The following CEP95 variants were observed in gnomAD, a reference collection of about 807,000 sequenced individuals.
CEP95 encodes the protein centrosomal protein of 95 kDa.
In CEP95, 98 loss-of-function variants were observed where a neutral mutation model predicts 111.2. The ratio of observed to expected loss-of-function variants is 0.88; its 90% CI spans 0.75 to 1.04. The LOEUF is 1.04. Ranked by LOEUF, CEP95 falls within the 50% of genes least tolerant of loss-of-function variation. The pLI is 0.00. For missense variants in CEP95, 1,027 were observed against 977.2 expected (o/e 1.05, Z -0.68); for synonymous variants, 323 against 327.1 (o/e 0.99, Z 0.14).
At chr17:64,513,703 A>G (rs2039001170) in intron 3 of CEP95, among the ~76,000 whole-genome samples, 1 of 152,184 alleles carries the variant, frequency 6.6e-6, no homozygotes, top group Non-Finnish European at 1.5e-5. Flanking sequence ...GAGTTAACAA[A>G]TATGGGGGGT....
intron 7 of CEP95, 40 bp downstream of exon 7, chr17:64,521,567 C>T (rs1598210851): frequency 6.3e-7 from 1 of 1,588,104 alleles, no homozygotes; most frequent in Admixed American, 1.8e-5. Flanking sequence ...TGCTGATGAT[C>T]ATTCTTGGGG....
chr17:64,527,311 C>G (rs918616851), intron 11 of CEP95, 47 bp downstream of exon 11: 1 of 1,443,684 alleles, frequency 6.9e-7, no homozygotes, highest in South Asian at 1.4e-5. Flanking sequence ...ATGTGAACTA[C>G]TTAGGCAGTT....
At chr17:64,527,893 C>T (rs73993975) in intron 11 of CEP95, among the ~76,000 whole-genome samples, 5,271 of 117,846 alleles carry the variant, frequency 0.045, 156 homozygotes, top group African/African-American at 0.12. Context: ...TATATATATA[C>T]ACACACACAC....
intron 11 of CEP95, 31 bp from the exon 12 acceptor site, chr17:64,529,257 A>G: frequency 6.3e-7 from 1 of 1,589,848 alleles, no homozygotes; most frequent in Non-Finnish European, 8.5e-7. Context: ...GCTATCAGGA[A>G]CTAATGTTAT....
At position 64,535,309 on chromosome 17, in the gene CEP95, G is replaced by A. The variant is rs147890726; in HGVS notation, c.2070+572G>A. On this transcript the variant is annotated intron_variant, in intron 17 of 19. Transcript: ENST00000556440. ...CTTGTCTGTAGCTCATGAATGCGTCGCCGTCAGAACCAGTTTTTCTATCCA... is the reference window on the plus strand; with the variant it reads ...CTTGTCTGTAGCTCATGAATGCGTCACCGTCAGAACCAGTTTTTCTATCCA... The A allele has an allele frequency of 1.1e-4, 18 of 157,502 alleles. No homozygotes were observed. In the South Asian group the frequency reaches 1.9e-3, roughly 16 times the overall value. 9.8% of individuals were successfully genotyped at this position (157,502 alleles called of 1,614,324 possible).
Position 64,537,646 on chromosome 17 carries a change from A to G in CEP95, c.2333A>G (p.Lys778Arg). ...AGGGAGCTGAGATCTAAGATGGAGA[A>G]GGAAATTCAGCAGCTGCAGGACATG... is the stretch of plus-strand genomic sequence containing the variant. ...VKRELRSKME[K>R]EIQQLQDMIT... The change falls in exon 20 of 20, where the codon AAG (lysine) becomes AGG (arginine). Residue 778 changes from lysine to arginine, a missense_variant. Transcript: ENST00000556440. 6.2e-7 allele frequency: 1 copy of G among 1,612,692 alleles called. No homozygotes were observed. Among genetic ancestry groups the G allele is most frequent in the Non-Finnish European group, 8.5e-7 (1 of 1,179,076 alleles).
intron 18 of CEP95, 141 bp downstream of exon 18, chr17:64,536,889 A>G: frequency 8.4e-7 from 1 of 1,193,896 alleles, no homozygotes. Context: ...CCATTTCAAG[A>G]TTGAAATTTA....
At chr17:64,532,363 T>C in intron 14 of CEP95, 1 of 985,438 alleles carries the variant, frequency 1.0e-6, no homozygotes, top group Non-Finnish European at 1.2e-6. Flanking sequence ...GGCAAGCAGA[T>C]GGCCTGTCCA....
chr17:64,514,401 A>T, intron 4 of CEP95, 43 bp downstream of exon 4: 1 of 860,316 alleles, frequency 1.2e-6, no homozygotes, highest in Non-Finnish European at 1.9e-6. Flanking sequence ...ACCTTTTATG[A>T]TGTGTCCCTT....
At chr17:64,527,883 TATATATATACACACACAC>T in intron 11 of CEP95, among the ~76,000 whole-genome samples, 1 of 143,920 alleles carries the variant, frequency 6.9e-6, no homozygotes, top group Non-Finnish European at 1.5e-5. Context: ...TATATATATA[TATATATATACACACACAC>T]ACACACGCGT....
Position 64,522,807 on chromosome 17 carries a change from C to T in CEP95, c.821C>T (p.Ala274Val), listed in dbSNP as rs782253362. The change falls in exon 8 of 20, where the codon GCA (alanine) becomes GTA (valine). Residue 274 changes from alanine (A) to valine (V), a missense_variant. Ala to Val is a moderately conservative substitution (Grantham distance 64). Coordinates refer to ENST00000556440, the MANE Select transcript of CEP95 (RefSeq NM_138363.3). ...HPPYHPSEPR[A>V]PCPIGKEYLH... ...CCCTACCACCCTTCAGAGCCTCGAG[C>T]ACCCTGCCCCATAGGAAAAGAATAC... is the stretch of plus-strand genomic sequence containing the variant. 6.2e-7 allele frequency: 1 copy of T among 1,613,890 alleles called. No individual in the cohort carries two copies.
intron 3 of CEP95, among the ~76,000 whole-genome samples, chr17:64,511,554 G>A (rs1185796733): frequency 6.6e-6 from 1 of 152,170 alleles, no homozygotes; most frequent in Non-Finnish European, 1.5e-5. Flanking sequence ...AACAATTGCT[G>A]TTATCCTGTT....
intron 1 of CEP95, 55 bp downstream of exon 1, chr17:64,507,171 G>C: frequency 1.3e-6 from 2 of 1,551,014 alleles, no homozygotes; most frequent in Non-Finnish European, 1.7e-6. Context: ...CCACCTCCAG[G>C]GAGGCCTCGG....
In CEP95 at chr17:64,537,731, T is replaced by G; in HGVS notation, c.2418T>G (p.Ser806=). The G allele has an allele frequency of 6.2e-7, 1 of 1,611,332 alleles. No homozygotes were observed. Among genetic ancestry groups the G allele is most frequent in the Admixed American group, 1.7e-5 (1 of 59,614 alleles). The change falls in exon 20 of 20, where the codon TCT becomes TCG. Residue 806 remains serine, a synonymous_variant. Transcript: ENST00000556440. ...AACTGGAAGCTGAGCGCTTCAGATC[T>G]CGGCTTCAGCTGGCTTCCTTTCAGT... ...FRELEAERFR[S]RLQLASFQYS...
rs1555681611 is a variant in CEP95 at position 64,536,697 on chromosome 17, G to A, written c.2166G>A (p.Arg722=). 6.2e-7 allele frequency: 1 copy of A among 1,612,994 alleles called. No homozygotes were observed. Among genetic ancestry groups the A allele is most frequent in the Non-Finnish European group, 8.5e-7 (1 of 1,179,620 alleles). The change falls in exon 18 of 20, where the codon AGG becomes AGA. Residue 722 remains arginine (R), a synonymous_variant. Coordinates refer to ENST00000556440, the MANE Select transcript of CEP95 (RefSeq NM_138363.3). ...NYAKEKRDEQ[R]RRHQDELDSM... ...CCAAAGAAAAGCGAGATGAACAAAG[G>A]AGACGCCACCAGGATGAACTGGACT...
chr17:64,508,130 C>T, intron 1 of CEP95: 1 of 985,430 alleles, frequency 1.0e-6, no homozygotes, highest in Non-Finnish European at 1.2e-6. Context: ...CAGAGAAACC[C>T]TGACTTGCAC....
At chr17:64,520,621 T>G (rs1226227180) in intron 6 of CEP95, 1 of 152,156 alleles carries the variant, frequency 6.6e-6, no homozygotes, top group African/African-American at 2.4e-5. Flanking sequence ...TTAGTAGAGA[T>G]GGGGTTTCGC....
chr17:64,507,156 A>T, intron 1 of CEP95, 40 bp downstream of exon 1: 1 of 1,551,150 alleles, frequency 6.4e-7, no homozygotes, highest in Non-Finnish European at 8.7e-7. Flanking sequence ...GTGGACTGAA[A>T]CCGTCCACCT....
rs914581816 is a variant in CEP95 at position 64,533,177 on chromosome 17, C to T, written c.1903C>T (p.His635Tyr). The part of the protein sequence containing the change: ...LTTLVKKEYE[H>Y]NKRLQDFKDC... The stretch of plus-strand genomic sequence containing the variant: ...TACCCTTGTCAAGAAAGAATATGAA[C>T]ATAACAAGAGACTGGTATGTCAAGA... The change falls in exon 16 of 20, where the codon CAT becomes TAT. Residue 635 changes from histidine (H) to tyrosine (Y), a missense_variant. Coordinates refer to ENST00000556440, the MANE Select transcript of CEP95 (RefSeq NM_138363.3). The T allele has an allele frequency of 1.9e-6, 3 of 1,586,884 alleles. No individual in the cohort carries two copies. Among genetic ancestry groups the T allele is most frequent in the Admixed American group, 2.0e-5 (1 of 49,662 alleles).
Sources: gnomAD v4.1 joint callset for allele counts (sites outside exome capture counted in the v4.1 genomes callset) on GRCh38, gnomAD v4.1.1 for gene constraint, MANE v1.5 for transcripts, NCBI Gene and HGNC (gene_info 2026-07-23, HGNC 2026-07-21) for gene names.